The following MRTFB variants were observed in gnomAD, a reference collection of about 807,000 sequenced individuals.
MRTFB encodes myocardin related transcription factor B.
A neutral mutation model predicts 104.2 loss-of-function variants in MRTFB; 29 were observed. The observed-to-expected ratio is 0.28, with a 90% CI of 0.21 to 0.38. The LOEUF is 0.38. Among genes scored for constraint, MRTFB ranks in the 10% least tolerant of loss-of-function variants. The pLI is 1.00. For synonymous variants in MRTFB, 535 were observed against 519.5 expected (o/e 1.03, Z -0.41); for missense variants, 1,270 against 1,341.6 (o/e 0.95, Z 0.83).
chr16:14,191,134 T>C (rs2040163336), intron 3 of MRTFB, among the ~76,000 whole-genome samples: 1 of 152,266 alleles, frequency 6.6e-6, no homozygotes, highest in South Asian at 2.1e-4. Context: ...CTACCTGTAC[T>C]GTCCACTACG....
chr16:14,055,578 A>G, the MRTFB span, among the ~76,000 whole-genome samples: 3,652 of 152,226 alleles, frequency 0.024, 162 homozygotes, highest in African/African-American at 0.083. Context: ...CTGGAGGGAC[A>G]TTTTGTAGAT....
chr16:14,124,235 T>C (rs567104752), intron 2 of MRTFB, among the ~76,000 whole-genome samples: 42 of 152,244 alleles, frequency 2.8e-4, no homozygotes, highest in Non-Finnish European at 4.6e-4. Context: ...CTTCCTCTTT[T>C]CCTATTCGAA....
chr16:14,125,887 C>T (rs183330983), intron 2 of MRTFB, among the ~76,000 whole-genome samples: 65 of 152,224 alleles, frequency 4.3e-4, no homozygotes, highest in Middle Eastern at 3.4e-3. Flanking sequence ...AAAGAGTTTG[C>T]GGAACACAGA....
At chr16:14,033,250 T>TA in the MRTFB span, among the ~76,000 whole-genome samples, 4 of 150,138 alleles carry the variant, frequency 2.7e-5, no homozygotes, top group African/African-American at 4.9e-5. Context: ...AATTTAAAAT[T>TA]AAAAAAAAAC....
intron 3 of MRTFB, chr16:14,200,164 C>A: frequency 1.3e-6 from 1 of 780,320 alleles, no homozygotes; most frequent in Non-Finnish European, 2.0e-6. Flanking sequence ...CAAAGGATGC[C>A]CCCAAAATGA....
At chr16:14,076,301 C>A (rs1467928901) in intron 1 of MRTFB, among the ~76,000 whole-genome samples, 1 of 152,110 alleles carries the variant, frequency 6.6e-6, no homozygotes, top group Non-Finnish European at 1.5e-5. Flanking sequence ...AAGCGATTCT[C>A]CTGCCTCAGC....
chr16:14,112,061 C>T lies in MRTFB; in HGVS notation c.-63-28483C>T, dbSNP rs187939702. ...CCATCAGTTCTTCACTGTTCAAGGG[C>T]AGTGTGGAGTAGGGGCAGAGTGGGA... On this transcript the variant is annotated intron_variant, in intron 2 of 16. Transcript: ENST00000571589. Among the ~76,000 whole-genome samples, 438 of 152,254 alleles carry T rather than the reference C, an allele frequency of 2.9e-3. 1 individual carries two copies. Among genetic ancestry groups the T allele is most frequent in the Non-Finnish European group, 4.6e-3 (312 of 68,018 alleles).
chr16:14,060,458 T>C, the MRTFB span, among the ~76,000 whole-genome samples: 1 of 152,186 alleles, frequency 6.6e-6, no homozygotes, highest in African/African-American at 2.4e-5. Flanking sequence ...ATATTCTCAC[T>C]TCATTTCGCA....
At chr16:14,242,465 A>T (rs1419457261) in intron 10 of MRTFB, among the ~76,000 whole-genome samples, 1 of 152,250 alleles carries the variant, frequency 6.6e-6, no homozygotes, top group African/African-American at 2.4e-5. Flanking sequence ...TCCAGATCCT[A>T]AAAATGGAGG....
At chr16:14,155,246 T>C (rs2038785692) in intron 3 of MRTFB, among the ~76,000 whole-genome samples, 1 of 152,200 alleles carries the variant, frequency 6.6e-6, no homozygotes, top group Admixed American at 6.5e-5. Flanking sequence ...AATGCATATC[T>C]AATATGCTGT....
intron 3 of MRTFB, among the ~76,000 whole-genome samples, chr16:14,192,092 G>C (rs989044140): frequency 6.6e-6 from 1 of 151,942 alleles, no homozygotes; most frequent in African/African-American, 2.4e-5. Context: ...TTAAAGGAGT[G>C]GGGCACGGTG....
the MRTFB span, among the ~76,000 whole-genome samples, chr16:14,038,991 C>T: frequency 3.9e-5 from 6 of 152,282 alleles, no homozygotes; most frequent in Admixed American, 6.5e-5. Flanking sequence ...TTTGCTACCA[C>T]GAGAACAGTA....
rs568949036 is a variant in MRTFB at position 14,255,424 on chromosome 16, A to G, written c.2704-2677A>G. On this transcript the variant is annotated intron_variant, in intron 15 of 16. Transcript: ENST00000571589. Reference sequence around the variant, plus strand: ...GCAAACAACTAATTGATTAATGTCAACCTTTCATCAAAAACTATGAAAACT... The same window carrying G: ...GCAAACAACTAATTGATTAATGTCAGCCTTTCATCAAAAACTATGAAAACT... 3.5e-4 allele frequency among the ~76,000 whole-genome samples: 54 copies of G among 152,370 alleles called. No homozygotes were observed. The South Asian group carries it at 4.8e-3, about 13-fold the overall frequency.
chr16:14,174,582 C>G (rs1428016763), intron 3 of MRTFB, among the ~76,000 whole-genome samples: 1 of 152,068 alleles, frequency 6.6e-6, no homozygotes, highest in East Asian at 1.9e-4. Context: ...ACTCGGGAGG[C>G]TGAGGCAAGA....
intron 8 of MRTFB, among the ~76,000 whole-genome samples, chr16:14,223,409 A>T (rs752216501): frequency 2.6e-5 from 4 of 152,184 alleles, no homozygotes; most frequent in Non-Finnish European, 4.4e-5. Context: ...GCCCTACTGG[A>T]CAAAGACTTT....
At position 14,246,467 on chromosome 16, in the gene MRTFB, C is replaced by T; in HGVS notation, c.1213-6C>T. 6.2e-7 allele frequency: 1 copy of T among 1,612,548 alleles called. No homozygotes were observed. Among genetic ancestry groups the T allele is most frequent in the Non-Finnish European group, 8.5e-7 (1 of 1,178,850 alleles). ...ACTAAGATATCTGCTTTGTTTGTAC[C>T]TCCAGGTATCAGAACTGAAGACAGA... is the stretch of plus-strand genomic sequence containing the variant. On this transcript the variant is annotated splice_polypyrimidine_tract_variant and splice_region_variant and intron_variant, in intron 11 of 16. Transcript: ENST00000571589.
At chr16:14,027,438 A>T in the MRTFB span, among the ~76,000 whole-genome samples, 4 of 152,296 alleles carry the variant, frequency 2.6e-5, no homozygotes, top group Middle Eastern at 3.4e-3. Context: ...ATAGAAAAAA[A>T]ATCTTTATCC....
At chr16:14,025,045 C>T in the MRTFB span, among the ~76,000 whole-genome samples, 1 of 152,110 alleles carries the variant, frequency 6.6e-6, no homozygotes, top group Non-Finnish European at 1.5e-5. Context: ...TAGAACAGTT[C>T]ATGTCTTAAT....
At chr16:14,227,348 TTTTCCCC>T (rs2151278069) in intron 8 of MRTFB, among the ~76,000 whole-genome samples, 1 of 152,170 alleles carries the variant, frequency 6.6e-6, no homozygotes, top group South Asian at 2.1e-4. Flanking sequence ...TTGCTTCCTC[TTTTCCCC>T]TGTAATGTCT....
Sources: allele counts gnomAD v4.1 joint callset (sites outside exome capture counted in the v4.1 genomes callset), GRCh38; gene constraint gnomAD v4.1.1; transcripts MANE v1.5; gene names NCBI Gene and HGNC (gene_info 2026-07-23, HGNC 2026-07-21).